Variants in MRPL15 observed in about 807,000 individuals in gnomAD.
MRPL15 encodes mitochondrial ribosomal protein L15.
In MRPL15, 24 loss-of-function variants were observed where a neutral mutation model predicts 28.0. That is an observed-to-expected ratio of 0.86 (90% CI 0.62 to 1.21). The LOEUF is 1.21. Among genes scored for constraint, MRPL15 ranks in the 50% most tolerant of loss-of-function variants. The probability of loss-of-function intolerance (pLI) is 0.00; values close to 1 mark genes in which losing one functional copy is unlikely to be tolerated. For missense variants in MRPL15, 343 were observed against 372.4 expected (o/e 0.92, Z 0.65); for synonymous variants, 124 against 137.0 (o/e 0.90, Z 0.66).
intron 3 of MRPL15, among the ~76,000 whole-genome samples, chr8:54,140,574 C>CTTTTTT (rs71551976): frequency 4.0e-5 from 4 of 99,576 alleles, no homozygotes; most frequent in Admixed American, 1.2e-4. Context: ...ATTTTCTTTT[C>CTTTTTT]TTTTTTTTTT....
At chr8:54,138,299 A>ACCT (rs1810863853) in intron 3 of MRPL15, among the ~76,000 whole-genome samples, 1 of 69,156 alleles carries the variant, frequency 1.4e-5, no homozygotes, top group African/African-American at 6.8e-5. Context: ...TATCAGGAAG[A>ACCT]TCTTTTTTTT....
rs1485664392 is a variant in MRPL15 at position 54,137,429 on chromosome 8, A to G, written c.425A>G (p.Glu142Gly). 2 of 1,613,540 alleles carry G rather than the reference A, an allele frequency of 1.2e-6. No homozygotes were observed. The highest frequency in any genetic ancestry group is 1.7e-5 in the Admixed American group (1 of 59,926). ...LKRDYGVQLVEEGADTFTAKV... is the reference protein window; with the variant it reads ...LKRDYGVQLVGEGADTFTAKV... Reference sequence around the variant, plus strand: ...AGGGATTATGGTGTCCAGCTGGTTGAGGAGGTAAGTCTTGATTAGATCTTT... The same window carrying G: ...AGGGATTATGGTGTCCAGCTGGTTGGGGAGGTAAGTCTTGATTAGATCTTT... The change falls in exon 3 of 5, where the codon GAG (glutamate) becomes GGG (glycine). Residue 142 changes from glutamate to glycine, a missense_variant. Physicochemically the swap from Glu to Gly is moderately conservative, Grantham distance 98 (BLOSUM62 -2). Coordinates refer to ENST00000260102, the MANE Select transcript of MRPL15 (RefSeq NM_014175.4).
chr8:54,139,645 C>T (rs1364533440), intron 3 of MRPL15, among the ~76,000 whole-genome samples: 1 of 152,196 alleles, frequency 6.6e-6, no homozygotes, highest in African/African-American at 2.4e-5. Flanking sequence ...CCCCAGGGCA[C>T]TGGTCAAGTA....
At chr8:54,146,516 C>T (rs1811048278) in intron 4 of MRPL15, among the ~76,000 whole-genome samples, 1 of 151,462 alleles carries the variant, frequency 6.6e-6, no homozygotes, top group Admixed American at 6.6e-5. Flanking sequence ...TAACATCTGT[C>T]TCATTGTATA....
In MRPL15 at chr8:54,138,291, T is replaced by A. The variant is rs184386864; in HGVS notation, c.429+858T>A. Among the ~76,000 whole-genome samples the A allele has an allele frequency of 3.9e-4, 50 of 128,502 alleles. 1 individual carries two copies. Among genetic ancestry groups the A allele is most frequent in the South Asian group, 1.4e-3 (5 of 3,676 alleles). 84.3% of individuals were successfully genotyped at this position (128,502 alleles called of 152,430 possible). A position where few individuals can be genotyped will look rare whatever the true frequency, so the allele number is the denominator to read the frequency against. On this transcript the variant is annotated intron_variant, in intron 3 of 4. Transcript: ENST00000260102. ...GGTTCTCTGCTTGAATGTCAACATA[T>A]CAGGAAGATCTTTTTTTTTTTTTTT...
intron 4 of MRPL15, among the ~76,000 whole-genome samples, chr8:54,144,896 A>G (rs1224155222): frequency 6.6e-6 from 1 of 152,192 alleles, no homozygotes; most frequent in Non-Finnish European, 1.5e-5. Context: ...GCTGCCTCAA[A>G]TATGAAAACC....
chr8:54,142,561 A>T, intron 3 of MRPL15, 102 bp from the exon 4 acceptor site: 1 of 1,358,456 alleles, frequency 7.4e-7, no homozygotes, highest in Non-Finnish European at 1.0e-6. Context: ...GTTATGTTAT[A>T]GGCACTTTGG....
intron 4 of MRPL15, among the ~76,000 whole-genome samples, 175 bp from the exon 5 acceptor site, chr8:54,147,207 G>A (rs1295201667): frequency 2.0e-5 from 3 of 151,824 alleles, no homozygotes; most frequent in African/African-American, 7.3e-5. Flanking sequence ...ACTCCAGTCT[G>A]GGCAACAAGA....
intron 2 of MRPL15, 54 bp downstream of exon 2, chr8:54,136,719 C>A: frequency 6.5e-7 from 1 of 1,532,726 alleles, no homozygotes; most frequent in Non-Finnish European, 8.8e-7. Flanking sequence ...TTAAAAAGCA[C>A]CTAAAAATAG....
intron 3 of MRPL15, among the ~76,000 whole-genome samples, chr8:54,140,545 G>T (rs1013547410): frequency 1.4e-5 from 2 of 148,032 alleles, no homozygotes; most frequent in Admixed American, 1.4e-4. Context: ...TTGAGTCACC[G>T]CACCCGGCCT....
chr8:54,139,722 A>G (rs1243207095), intron 3 of MRPL15, among the ~76,000 whole-genome samples: 1 of 152,250 alleles, frequency 6.6e-6, no homozygotes, highest in East Asian at 1.9e-4. Context: ...ATTTGTAGTA[A>G]ATAGTGAATA....
chr8:54,140,939 T>C (rs75325034), intron 3 of MRPL15, among the ~76,000 whole-genome samples: 1,965 of 152,040 alleles, frequency 0.013, 31 homozygotes, highest in Non-Finnish European at 0.02. Context: ...TTTTTTTTTT[T>C]CAGCTTAGAG....
At position 54,136,508 on chromosome 8, in the gene MRPL15, C is replaced by T. The variant is rs745395301; in HGVS notation, c.109-3C>T. On this transcript the variant is annotated splice_region_variant and splice_polypyrimidine_tract_variant and intron_variant, in intron 1 of 4. Transcript: ENST00000260102. ...TTCATAAAATTCTTTTTTTTCCTTG[C>T]AGGAGAGAAGACCAAGAGGTCGGAG... 12 of 1,597,106 alleles carry T rather than the reference C, an allele frequency of 7.5e-6. No homozygotes were observed. The highest frequency in any genetic ancestry group is 8.5e-6 in the Non-Finnish European group (10 of 1,174,728).
At chr8:54,138,339 T>C (rs1294121565) in intron 3 of MRPL15, among the ~76,000 whole-genome samples, 2 of 118,488 alleles carry the variant, frequency 1.7e-5, no homozygotes, top group Admixed American at 2.0e-4. Flanking sequence ...TAAATAGAGA[T>C]GGAGTCTCAC....
At chr8:54,142,080 C>G (rs1446111239) in intron 3 of MRPL15, among the ~76,000 whole-genome samples, 1 of 152,124 alleles carries the variant, frequency 6.6e-6, no homozygotes, top group African/African-American at 2.4e-5. Flanking sequence ...AACTCCTGAC[C>G]TCAGGTGATC....
intron 3 of MRPL15, among the ~76,000 whole-genome samples, chr8:54,140,122 C>T (rs1810893795): frequency 6.6e-6 from 1 of 152,132 alleles, no homozygotes; most frequent in Admixed American, 6.6e-5. Flanking sequence ...CTTTCTATTG[C>T]CATAGAGTGG....
rs1233011348 is a variant in MRPL15, at chr8:54,137,165, TAAATA to T, written c.264-98_264-94del. The T allele has an allele frequency of 8.4e-6, 10 of 1,195,028 alleles. No individual in the cohort carries two copies. In the East Asian group the frequency reaches 2.3e-4, roughly 28 times the overall value. 74.0% of individuals were successfully genotyped at this position (1,195,028 alleles called of 1,614,324 possible). Reference sequence around the variant, plus strand: ...TACACTCAAGAGGGTTTTGTTTAGTTAAATAAAATTGGTGGAGGAAAACACAAGAC... The same window carrying T: ...TACACTCAAGAGGGTTTTGTTTAGTTAAATTGGTGGAGGAAAACACAAGAC... On this transcript the variant is annotated intron_variant, in intron 2 of 4. Transcript: ENST00000260102.
chr8:54,142,880 T>C, intron 4 of MRPL15, 94 bp downstream of exon 4: 4 of 1,516,502 alleles, frequency 2.6e-6, no homozygotes, highest in Non-Finnish European at 3.6e-6. Context: ...ATGTTGGTAG[T>C]AGTTTGGATG....
intron 1 of MRPL15, among the ~76,000 whole-genome samples, chr8:54,136,113 T>A (rs1167936433): frequency 1.3e-5 from 2 of 152,194 alleles, no homozygotes; most frequent in Non-Finnish European, 2.9e-5. Flanking sequence ...CTTCAACAGA[T>A]CAGTTTTCAA....
Sources: allele counts gnomAD v4.1 joint callset (sites outside exome capture counted in the v4.1 genomes callset), GRCh38; gene constraint gnomAD v4.1.1; transcripts MANE v1.5; gene names NCBI Gene and HGNC (gene_info 2026-07-23, HGNC 2026-07-21).